Variants in STARD13 observed in about 807,000 individuals in gnomAD.
STARD13 encodes stAR-related lipid transfer protein 13.
STARD13 carries 62 observed loss-of-function variants against 106.4 expected under a neutral mutation model. The ratio of observed to expected loss-of-function variants is 0.58; its 90% CI spans 0.48 to 0.72. The LOEUF (loss-of-function observed/expected upper bound fraction) is 0.72. STARD13 is among the 30% of genes least tolerant of loss of function. The pLI is 0.00. For synonymous variants in STARD13, 565 were observed against 553.0 expected (o/e 1.02, Z -0.31); for missense variants, 1,387 against 1,424.0 (o/e 0.97, Z 0.42).
At chr13:33,321,638 A>T (rs1893564111) in intron 1 of STARD13, among the ~76,000 whole-genome samples, 2 of 152,208 alleles carry the variant, frequency 1.3e-5, no homozygotes, top group Non-Finnish European at 2.9e-5. Flanking sequence ...CATTTTATAG[A>T]TGAGAAAACT....
chr13:33,431,890 A>G, the STARD13 span, among the ~76,000 whole-genome samples: 5 of 152,234 alleles, frequency 3.3e-5, no homozygotes, highest in African/African-American at 1.2e-4. Context: ...ACAGAATGTT[A>G]CAGGGGCAAT....
chr13:33,226,824 C>T (rs1350853025), intron 1 of STARD13, among the ~76,000 whole-genome samples: 3 of 152,152 alleles, frequency 2.0e-5, no homozygotes, highest in African/African-American at 4.8e-5. Flanking sequence ...CTAGTCCAAG[C>T]GATGTTTAGG....
At chr13:33,535,710 C>T in the STARD13 span, among the ~76,000 whole-genome samples, 1 of 152,206 alleles carries the variant, frequency 6.6e-6, no homozygotes, top group East Asian at 1.9e-4. Context: ...TCTCTTACCA[C>T]AAAAGCTGAA....
downstream of STARD13, among the ~76,000 whole-genome samples, chr13:33,346,866 G>A (rs371333557): frequency 4.0e-5 from 6 of 151,468 alleles, no homozygotes; most frequent in Non-Finnish European, 7.4e-5. Flanking sequence ...TTGAACTTCC[G>A]ACCGCAGGTG....
the STARD13 span, among the ~76,000 whole-genome samples, chr13:33,392,438 C>T: frequency 3.3e-5 from 5 of 152,124 alleles, no homozygotes; most frequent in East Asian, 5.8e-4. Context: ...CTCACTCTGT[C>T]GCCCAGGCTG....
the STARD13 span, among the ~76,000 whole-genome samples, chr13:33,671,721 C>G: frequency 6.6e-6 from 1 of 151,810 alleles, no homozygotes; most frequent in South Asian, 2.1e-4. Flanking sequence ...CAGAGCAAGA[C>G]CCTGTCTCTA....
intron 1 of STARD13, among the ~76,000 whole-genome samples, chr13:33,201,337 T>C (rs1360784619): frequency 6.6e-6 from 1 of 152,240 alleles, no homozygotes; most frequent in Non-Finnish European, 1.5e-5. Flanking sequence ...TCAAATCCCG[T>C]GTTCAACTGA....
At chr13:33,309,320 A>G (rs956192950) in intron 1 of STARD13, among the ~76,000 whole-genome samples, 4 of 152,170 alleles carry the variant, frequency 2.6e-5, no homozygotes, top group African/African-American at 9.7e-5. Flanking sequence ...CGCAAGCAAT[A>G]TATCCAGGGC....
the STARD13 span, among the ~76,000 whole-genome samples, chr13:33,373,516 C>T: frequency 0.017 from 2,529 of 152,086 alleles, 23 homozygotes; most frequent in Middle Eastern, 0.051. Flanking sequence ...AGAGAAAAAA[C>T]GCCAATATGG....
At chr13:33,584,466 G>A in the STARD13 span, among the ~76,000 whole-genome samples, 74 of 151,804 alleles carry the variant, frequency 4.9e-4, no homozygotes, top group African/African-American at 1.6e-3. Flanking sequence ...GGGGATGGTG[G>A]TAAACCATTC....
At chr13:33,501,609 T>C in the STARD13 span, among the ~76,000 whole-genome samples, 2,840 of 152,278 alleles carry the variant, frequency 0.019, 73 homozygotes, top group African/African-American at 0.064. Context: ...ATATGGCTAG[T>C]CAGCTTTCCC....
chr13:33,257,881 A>G (rs1040265896), intron 1 of STARD13, among the ~76,000 whole-genome samples: 2 of 152,248 alleles, frequency 1.3e-5, no homozygotes, highest in East Asian at 3.8e-4. Context: ...TCATCACTGT[A>G]AATATATTTT....
At chr13:33,262,649 C>G (rs1296415466) in intron 1 of STARD13, among the ~76,000 whole-genome samples, 1 of 105,998 alleles carries the variant, frequency 9.4e-6, no homozygotes, top group Non-Finnish European at 1.9e-5. Flanking sequence ...CCCCCCCCCC[C>G]ACACACACAC....
intron 8 of STARD13, among the ~76,000 whole-genome samples, chr13:33,116,515 G>C (rs1875393656): frequency 6.6e-6 from 1 of 152,208 alleles, no homozygotes; most frequent in South Asian, 2.1e-4. Flanking sequence ...GTAAATGTTT[G>C]CTCAGCTAAA....
At chr13:33,247,668 T>C (rs1889895603) in intron 1 of STARD13, among the ~76,000 whole-genome samples, 1 of 152,230 alleles carries the variant, frequency 6.6e-6, no homozygotes, top group Non-Finnish European at 1.5e-5. Flanking sequence ...ATTTTCAATT[T>C]GCTATATATT....
At chr13:33,525,105 T>C in the STARD13 span, among the ~76,000 whole-genome samples, 1 of 152,116 alleles carries the variant, frequency 6.6e-6, no homozygotes, top group Non-Finnish European at 1.5e-5. Flanking sequence ...CACTGAAGCC[T>C]TAAACTCCCA....
chr13:33,241,096 T>C (rs891346111), intron 1 of STARD13, among the ~76,000 whole-genome samples: 2 of 152,256 alleles, frequency 1.3e-5, no homozygotes, highest in Non-Finnish European at 2.9e-5. Flanking sequence ...ATGAGTAAAC[T>C]GTGTTCTGTC....
At chr13:33,443,686 C>T in the STARD13 span, among the ~76,000 whole-genome samples, 4 of 151,896 alleles carry the variant, frequency 2.6e-5, no homozygotes, top group African/African-American at 9.7e-5. Context: ...GAGTTCAAGA[C>T]CAGCGTGGCC....
At chr13:33,455,965 A>C in the STARD13 span, among the ~76,000 whole-genome samples, 1 of 152,132 alleles carries the variant, frequency 6.6e-6, no homozygotes, top group African/African-American at 2.4e-5. Context: ...AAATTAAATA[A>C]ATAAATACAT....
Sources: allele counts gnomAD v4.1 joint callset (sites outside exome capture counted in the v4.1 genomes callset), GRCh38; gene constraint gnomAD v4.1.1; transcripts MANE v1.5; gene names NCBI Gene and HGNC (gene_info 2026-07-23, HGNC 2026-07-21).